RELCH: variants seen among roughly 807,000 people sequenced by gnomAD.
The protein encoded by RELCH is RAB11 binding and LisH domain, coiled-coil and HEAT repeat containing, also known as RAB11-binding protein RELCH.
RELCH carries 41 observed loss-of-function variants against 150.3 expected under a neutral mutation model. The observed-to-expected ratio is 0.27, with a 90% CI of 0.21 to 0.35. The LOEUF (loss-of-function observed/expected upper bound fraction) is 0.35. Ranked by LOEUF, RELCH falls within the 10% of genes least tolerant of loss-of-function variation. The probability of loss-of-function intolerance (pLI) is 1.00; values close to 1 mark genes in which losing one functional copy is unlikely to be tolerated. For missense variants in RELCH, 1,092 were observed against 1,467.8 expected (o/e 0.74, Z 4.18); for synonymous variants, 478 against 531.8 (o/e 0.90, Z 1.39).
At chr18:62,304,451 C>T (rs1735813734) in intron 28 of RELCH, among the ~76,000 whole-genome samples, 1 of 152,192 alleles carries the variant, frequency 6.6e-6, no homozygotes, top group African/African-American at 2.4e-5. Context: ...CAGCACACAC[C>T]TCATGCAGTA....
At chr18:62,292,686 C>T (rs1173961381) in intron 27 of RELCH, among the ~76,000 whole-genome samples, 1 of 152,198 alleles carries the variant, frequency 6.6e-6, no homozygotes, top group Non-Finnish European at 1.5e-5. Context: ...TGGCTAATGC[C>T]ATACTGCTTT....
chr18:62,264,001 C>T lies in RELCH; in HGVS notation c.2363C>T (p.Pro788Leu), dbSNP rs751410965. 3 of 1,606,584 alleles carry T rather than the reference C, an allele frequency of 1.9e-6. No homozygotes were observed. In the East Asian group the frequency reaches 6.8e-5, roughly 36 times the overall value. The change falls in exon 17 of 29, where the codon CCT (proline) becomes CTT (leucine). Residue 788 changes from proline to leucine, a missense_variant. This residue lies in a region of RELCH where 707 missense variants were observed against 1,025.4 expected (regional missense o/e 0.69). Coordinates refer to ENST00000644646, the MANE Select transcript of RELCH (RefSeq NM_001346231.2). ...CTTTTATGTGTAGTGACTAGGTTTC[C>T]TCGGCCTATGTCGCCTCTTCAAGAT... is the stretch of plus-strand genomic sequence containing the variant. ...EVPQIEVTRF[P>L]RPMSPLQDVS...
intron 27 of RELCH, among the ~76,000 whole-genome samples, chr18:62,298,521 G>A (rs1004484811): frequency 6.6e-6 from 1 of 152,138 alleles, no homozygotes; most frequent in Non-Finnish European, 1.5e-5. Context: ...TTAGAAGATG[G>A]TGAGTAAGCT....
At chr18:62,227,741 T>C in intron 7 of RELCH, 52 bp downstream of exon 7, 1 of 872,670 alleles carries the variant, frequency 1.1e-6, no homozygotes, top group Non-Finnish European at 1.8e-6. Flanking sequence ...TTTAAAAGTA[T>C]TGGCAAGTTA....
chr18:62,256,987 T>C (rs539764492), intron 13 of RELCH, among the ~76,000 whole-genome samples: 1 of 152,202 alleles, frequency 6.6e-6, no homozygotes, highest in Non-Finnish European at 1.5e-5. Flanking sequence ...TTTTTGTTTC[T>C]AAAAAGTGAA....
At chr18:62,290,623 G>A (rs1401896074) in intron 26 of RELCH, among the ~76,000 whole-genome samples, 2 of 152,186 alleles carry the variant, frequency 1.3e-5, no homozygotes, top group Non-Finnish European at 2.9e-5. Context: ...AGAATAAAGG[G>A]AGAATGTATC....
intron 1 of RELCH, among the ~76,000 whole-genome samples, chr18:62,207,037 A>T (rs1338349725): frequency 6.6e-6 from 1 of 151,986 alleles, no homozygotes; most frequent in Admixed American, 6.6e-5. Context: ...GTATATTTCC[A>T]TTCATTTTTA....
intron 2 of RELCH, among the ~76,000 whole-genome samples, chr18:62,216,037 G>A (rs1379244390): frequency 6.6e-6 from 1 of 152,020 alleles, no homozygotes; most frequent in South Asian, 2.1e-4. Flanking sequence ...TTCATTTTAA[G>A]TAAAAGCCTT....
In RELCH at chr18:62,288,392, A is replaced by C. The variant is rs146468750; in HGVS notation, c.3370+925A>C. On this transcript the variant is annotated intron_variant, in intron 26 of 28. Coordinates refer to ENST00000644646, the MANE Select transcript of RELCH (RefSeq NM_001346231.2). ...CAACATGAACAGGTAATTTTAAATG[A>C]GATAAATATGCCATAAAATATTACT... 7.0e-4 allele frequency among the ~76,000 whole-genome samples: 107 copies of C among 152,254 alleles called. 1 individual carries two copies. The highest frequency in any genetic ancestry group is 2.9e-4 in the Non-Finnish European group (20 of 67,940).
rs2045968114 is a variant in RELCH at position 62,310,213 on chromosome 18, T to G, written c.*4679T>G. 1 of 152,246 alleles carries G rather than the reference T, an allele frequency of 6.6e-6. No homozygotes were observed. Among genetic ancestry groups the G allele is most frequent in the Non-Finnish European group, 1.5e-5 (1 of 68,050 alleles). The allele number at this position is 152,246 out of a possible 1,614,324, so 9.4% of individuals were successfully genotyped here. ...ATAAGCCTTCCCATCATGTATTAAA[T>G]AATGAAACTTAAAGGTGAATACTTT... On this transcript the variant is annotated 3_prime_UTR_variant, in exon 29 of 29. Coordinates refer to ENST00000644646, the MANE Select transcript of RELCH (RefSeq NM_001346231.2).
At chr18:62,299,109 C>G (rs561791421) in intron 28 of RELCH, among the ~76,000 whole-genome samples, 2 of 152,260 alleles carry the variant, frequency 1.3e-5, no homozygotes, top group African/African-American at 4.8e-5. Flanking sequence ...CTCAGTCAGC[C>G]TAGGGATCTG....
chr18:62,303,309 C>A (rs573041549), intron 28 of RELCH, among the ~76,000 whole-genome samples: 1 of 152,100 alleles, frequency 6.6e-6, no homozygotes, highest in African/African-American at 2.4e-5. Flanking sequence ...AGTAGACCTA[C>A]GCAGATATAT....
At chr18:62,280,993 T>C (rs1480185285) in intron 24 of RELCH, among the ~76,000 whole-genome samples, 1 of 152,206 alleles carries the variant, frequency 6.6e-6, no homozygotes, top group African/African-American at 2.4e-5. Flanking sequence ...TAGTTTCTCT[T>C]TCTGATTGGG....
At chr18:62,199,780 G>C (rs757690290) in intron 1 of RELCH, among the ~76,000 whole-genome samples, 1 of 152,134 alleles carries the variant, frequency 6.6e-6, no homozygotes, top group Non-Finnish European at 1.5e-5. Flanking sequence ...AGGCTTTGCT[G>C]TCGGAGAGCT....
chr18:62,292,559 C>T (rs748919294), intron 27 of RELCH, among the ~76,000 whole-genome samples: 3 of 152,156 alleles, frequency 2.0e-5, no homozygotes, highest in Non-Finnish European at 2.9e-5. Flanking sequence ...CATGCTGGAG[C>T]CATAGAACTT....
chr18:62,190,695 A>G (rs2038567434), intron 1 of RELCH, among the ~76,000 whole-genome samples: 1 of 152,246 alleles, frequency 6.6e-6, no homozygotes, highest in Admixed American at 6.5e-5. Context: ...CACTTAGAAC[A>G]GAATTTCTCA....
rs1232245641 is a variant in RELCH, at chr18:62,257,971, T to C, written c.1920T>C (p.Val640=). The part of the protein sequence containing the change: ...YLPKEIRSSL[V]LSMLQQMLME... The stretch of plus-strand genomic sequence containing the variant: ...AGAAAGAAATCCGTAGCTCCTTGGT[T>C]CTTTCAATGTTGCAACAAATGTTAA... Residue 640 remains valine, a synonymous_variant, in exon 14 of 29, where the codon GTT becomes GTC. Transcript: ENST00000644646. 1 of 1,603,142 alleles carries C rather than the reference T, an allele frequency of 6.2e-7. No homozygotes were observed. The highest frequency in any genetic ancestry group is 2.2e-5 in the East Asian group (1 of 44,480).
chr18:62,250,811 A>G (rs1484743387), intron 11 of RELCH, among the ~76,000 whole-genome samples: 1 of 152,240 alleles, frequency 6.6e-6, no homozygotes. Flanking sequence ...ATTGACATAT[A>G]TTGAGATATA....
chr18:62,228,276 G>C (rs1311991309), intron 7 of RELCH, 29 bp from the exon 8 acceptor site: 1 of 1,565,404 alleles, frequency 6.4e-7, no homozygotes, highest in Non-Finnish European at 8.7e-7. Context: ...TTGTCCTCTG[G>C]TGATTTCTCT....
Sources: allele counts gnomAD v4.1 joint callset (sites outside exome capture counted in the v4.1 genomes callset), GRCh38; gene constraint gnomAD v4.1.1; regional missense constraint gnomAD v4.1.1; transcripts MANE v1.5; gene names NCBI Gene and HGNC (gene_info 2026-07-23, HGNC 2026-07-21).